The following C16orf74 variants were observed in gnomAD, a reference collection of about 807,000 sequenced individuals.
C16orf74 encodes the protein calcimembrin.
A neutral mutation model predicts 6.5 loss-of-function variants in C16orf74; 10 were observed. The ratio of observed to expected loss-of-function variants is 1.54; its 90% CI spans 0.95 to 2.61. C16orf74 has a LOEUF of 2.61. Among genes scored for constraint, C16orf74 ranks in the 30% most tolerant of loss-of-function variants. The pLI, the probability that C16orf74 is intolerant of heterozygous loss-of-function variation, is 0.00. For missense variants in C16orf74, 141 were observed against 105.9 expected, an observed-to-expected ratio of 1.33 and a Z score of -1.45; for synonymous variants, 60 against 42.5, an observed-to-expected ratio of 1.41 and a Z score of -1.60.
intron 1 of C16orf74, among the ~76,000 whole-genome samples, chr16:85,736,563 T>G (rs1329918827): frequency 4.0e-5 from 6 of 151,676 alleles, no homozygotes; most frequent in Non-Finnish European, 5.9e-5. Flanking sequence ...GACCGGGGCC[T>G]TGGGAAGGGA....
In C16orf74 at chr16:85,710,184, G is replaced by A. The variant is rs760230112; in HGVS notation, c.152C>T (p.Pro51Leu). ...CTCACCTGTGCTCCCCAAGTCCCTC[G>A]GCAGCATCATGCCCGTGGGGGTGGG... Reference protein sequence around the residue: ...TPPTPTGMMLPRDLGSTVWLD... With the variant: ...TPPTPTGMMLLRDLGSTVWLD... Residue 51 changes from proline (P) to leucine (L), a missense_variant, in exon 3 of 4, where the codon CCG becomes CTG. Pro to Leu is a moderately conservative substitution (Grantham distance 98). Transcript: ENST00000284245. The A allele has an allele frequency of 1.0e-5, 15 of 1,471,946 alleles. No individual in the cohort carries two copies. Among genetic ancestry groups the A allele is most frequent in the South Asian group, 1.5e-5 (1 of 67,674 alleles). The allele number at this position is 1,471,946 out of a possible 1,614,324, so 91.2% of individuals were successfully genotyped here. A position where few individuals can be genotyped will look rare whatever the true frequency, so the allele number is the denominator to read the frequency against.
intron 2 of C16orf74, among the ~76,000 whole-genome samples, chr16:85,711,054 C>T (rs1311989920): frequency 3.9e-5 from 6 of 152,204 alleles, no homozygotes; most frequent in Non-Finnish European, 8.8e-5. Context: ...TGGCTCATGC[C>T]TGTAATGCCA....
At chr16:85,716,532 G>C (rs2054025806) in intron 2 of C16orf74, among the ~76,000 whole-genome samples, 1 of 139,666 alleles carries the variant, frequency 7.2e-6, no homozygotes, top group Non-Finnish European at 1.6e-5. Flanking sequence ...GGAGAAGGAA[G>C]AGGAGGGAGG....
At chr16:85,747,413 C>T (rs2054386278) in intron 1 of C16orf74, among the ~76,000 whole-genome samples, 1 of 152,046 alleles carries the variant, frequency 6.6e-6, no homozygotes, top group Non-Finnish European at 1.5e-5. Context: ...GATCATGCCA[C>T]TGCACTCCAG....
chr16:85,741,372 A>C (rs2152065614), intron 1 of C16orf74, among the ~76,000 whole-genome samples: 1 of 152,238 alleles, frequency 6.6e-6, no homozygotes, highest in South Asian at 2.1e-4. Flanking sequence ...CCCCTACCTC[A>C]AAACACACAG....
intron 2 of C16orf74, among the ~76,000 whole-genome samples, chr16:85,733,564 T>C (rs2054213364): frequency 6.6e-6 from 1 of 152,092 alleles, no homozygotes; most frequent in South Asian, 2.1e-4. Flanking sequence ...ATATATATTA[T>C]TTTTTAAAGA....
intron 1 of C16orf74, among the ~76,000 whole-genome samples, chr16:85,744,755 A>G (rs578023152): frequency 2.5e-4 from 36 of 146,358 alleles, no homozygotes; most frequent in African/African-American, 8.4e-4. Flanking sequence ...GTGTCAGCCC[A>G]CGAGGCAGAG....
intron 1 of C16orf74, among the ~76,000 whole-genome samples, chr16:85,747,063 G>C (rs1273042534): frequency 6.6e-6 from 1 of 151,932 alleles, no homozygotes; most frequent in Non-Finnish European, 1.5e-5. Flanking sequence ...GTGGAGGCAG[G>C]AGGCCCACCG....
intron 2 of C16orf74, among the ~76,000 whole-genome samples, chr16:85,731,029 C>T (rs540620870): frequency 2.0e-5 from 3 of 152,208 alleles, no homozygotes; most frequent in Non-Finnish European, 4.4e-5. Flanking sequence ...CATGGGACTG[C>T]TAGAAACGTC....
chr16:85,717,460 C>T (rs2054036472), intron 2 of C16orf74, among the ~76,000 whole-genome samples: 2 of 152,336 alleles, frequency 1.3e-5, no homozygotes, highest in South Asian at 2.1e-4. Context: ...CTCTTGCAGC[C>T]TCAGTTTCCC....
chr16:85,739,133 C>T (rs72803087), intron 1 of C16orf74, among the ~76,000 whole-genome samples: 30,842 of 148,972 alleles, frequency 0.21, 3,437 homozygotes, highest in Middle Eastern at 0.33. Flanking sequence ...CCAGCCTTGC[C>T]AAGGGGTCCT....
intron 1 of C16orf74, among the ~76,000 whole-genome samples, chr16:85,740,104 G>C (rs1322426274): frequency 6.6e-6 from 1 of 150,384 alleles, no homozygotes; most frequent in Non-Finnish European, 1.5e-5. Flanking sequence ...CAGCTACTCG[G>C]GAGGCTGAGG....
At chr16:85,750,740 C>T (rs2054428472) in intron 1 of C16orf74, among the ~76,000 whole-genome samples, 186 bp downstream of exon 1, 1 of 152,196 alleles carries the variant, frequency 6.6e-6, no homozygotes, top group South Asian at 2.1e-4. Context: ...CGTGTCTCCG[C>T]AGCAAAGTCT....
At chr16:85,724,567 G>A (rs1172372420) in intron 2 of C16orf74, among the ~76,000 whole-genome samples, 1 of 152,142 alleles carries the variant, frequency 6.6e-6, no homozygotes, top group African/African-American at 2.4e-5. Flanking sequence ...GGAGATGGAG[G>A]GAAAGAGCTG....
intron 1 of C16orf74, chr16:85,743,521 G>A (rs985338523): frequency 1.3e-5 from 2 of 152,180 alleles, no homozygotes; most frequent in African/African-American, 2.4e-5. Flanking sequence ...AGACACTAAA[G>A]CCAAGCCCAC....
chr16:85,748,158 A>G (rs531137779), intron 1 of C16orf74, among the ~76,000 whole-genome samples: 974 of 65,786 alleles, frequency 0.015, 89 homozygotes, highest in African/African-American at 0.031. Context: ...ATATATATAT[A>G]TGTGTATATA....
chr16:85,708,671 A>G (rs2053937248), intron 3 of C16orf74, among the ~76,000 whole-genome samples: 1 of 152,226 alleles, frequency 6.6e-6, no homozygotes, highest in Non-Finnish European at 1.5e-5. Flanking sequence ...TGGAAAGGTC[A>G]CAGAGGAATG....
intron 2 of C16orf74, among the ~76,000 whole-genome samples, chr16:85,717,187 G>A (rs950869560): frequency 6.6e-6 from 1 of 152,234 alleles, no homozygotes; most frequent in Admixed American, 6.5e-5. Context: ...TTCCACATGG[G>A]TTACATAGGC....
chr16:85,737,454 T>G (rs1284020938), intron 1 of C16orf74, among the ~76,000 whole-genome samples: 1 of 152,140 alleles, frequency 6.6e-6, no homozygotes, highest in East Asian at 1.9e-4. Flanking sequence ...TCCCAGCACT[T>G]GGGGAGGCTG....
Sources: allele counts gnomAD v4.1 joint callset (sites outside exome capture counted in the v4.1 genomes callset), GRCh38; gene constraint gnomAD v4.1.1; transcripts MANE v1.5; gene names NCBI Gene and HGNC (gene_info 2026-07-23, HGNC 2026-07-21).